TYW1: variants seen among roughly 807,000 people sequenced by gnomAD.
The protein encoded by TYW1 is S-adenosyl-L-methionine-dependent tRNA 4-demethylwyosine synthase TYW1.
In TYW1, 46 loss-of-function variants were observed where a neutral mutation model predicts 96.2. The observed-to-expected ratio is 0.48, with a 90% confidence interval of 0.38 to 0.61. The LOEUF (loss-of-function observed/expected upper bound fraction) is 0.61. Ranked by LOEUF, TYW1 falls within the 20% of genes least tolerant of loss-of-function variation. TYW1 has a pLI of 0.00. For synonymous variants in TYW1, 274 were observed against 323.0 expected, an observed-to-expected ratio of 0.85 and a Z score of 1.63; for missense variants, 684 against 909.6, an observed-to-expected ratio of 0.75 and a Z score of 3.19.
At chr7:67,119,052 A>G (rs6460324) in intron 13 of TYW1, among the ~76,000 whole-genome samples, 41,973 of 151,772 alleles carry the variant, frequency 0.28, 6,649 homozygotes, top group African/African-American at 0.44. Context: ...GTGTTTTCAT[A>G]TGGCATACTT....
rs569326698 is a variant in TYW1 at position 67,002,520 on chromosome 7, G to A, written c.273+3566G>A. Among the ~76,000 whole-genome samples the A allele has an allele frequency of 1.2e-3, 182 of 152,316 alleles. 2 individuals are homozygous for A. Among genetic ancestry groups the A allele is most frequent in the African/African-American group, 4.0e-3 (168 of 41,578 alleles). ...ATGTTAGTATTGCTAATGAGAAAGC[G>A]AATTTGTAGATGACTTGATTATTTT... On this transcript the variant is annotated intron_variant, in intron 3 of 15. Coordinates refer to ENST00000359626, the MANE Select transcript of TYW1 (RefSeq NM_018264.4).
intron 13 of TYW1, among the ~76,000 whole-genome samples, chr7:67,176,553 G>A (rs982845080): frequency 6.6e-6 from 1 of 152,076 alleles, no homozygotes; most frequent in Non-Finnish European, 1.5e-5. Context: ...ATAATTTTGA[G>A]GATATGTTAA....
intron 8 of TYW1, among the ~76,000 whole-genome samples, chr7:67,053,633 G>A (rs1795431229): frequency 6.6e-6 from 1 of 152,110 alleles, no homozygotes; most frequent in East Asian, 1.9e-4. Flanking sequence ...ACCCGCCTTG[G>A]CCTCCCAAAG....
intron 13 of TYW1, among the ~76,000 whole-genome samples, chr7:67,165,786 C>G (rs1030570178): frequency 2.6e-5 from 4 of 151,954 alleles, no homozygotes; most frequent in African/African-American, 9.7e-5. Flanking sequence ...AAAAATTAGC[C>G]AGGTGCGGTG....
At chr7:67,026,129 G>A (rs1794445281) in intron 7 of TYW1, among the ~76,000 whole-genome samples, 1 of 152,168 alleles carries the variant, frequency 6.6e-6, no homozygotes, top group African/African-American at 2.4e-5. Flanking sequence ...CTGGAGTGCA[G>A]TGGTGCAATC....
rs781250202 is a variant in TYW1, at chr7:67,014,410, C to G, written c.419C>G (p.Thr140Ser). The stretch of plus-strand genomic sequence containing the variant: ...TGTGTCTTCCTGGTTGCGACATACA[C>G]TGACGGCCTACCAACTGAAAGTGCA... Reference protein sequence around the residue: ...NVCVFLVATYTDGLPTESAEW... With the variant: ...NVCVFLVATYSDGLPTESAEW... Residue 140 changes from threonine to serine, a missense_variant, in exon 5 of 16, where the codon ACT becomes AGT. Coordinates refer to ENST00000359626, the MANE Select transcript of TYW1 (RefSeq NM_018264.4). 2.5e-6 allele frequency: 4 copies of G among 1,613,724 alleles called. No homozygotes were observed. In the South Asian group the frequency reaches 3.3e-5, roughly 13 times the overall value.
chr7:67,048,158 TG>T (rs1795246676), intron 7 of TYW1, among the ~76,000 whole-genome samples: 1 of 134,800 alleles, frequency 7.4e-6, no homozygotes, highest in East Asian at 2.2e-4. Flanking sequence ...ACCTATTGCC[TG>T]GCCTCATCAA....
At chr7:67,224,832 A>G (rs921993303) in intron 15 of TYW1, among the ~76,000 whole-genome samples, 8 of 152,116 alleles carry the variant, frequency 5.3e-5, no homozygotes, top group African/African-American at 1.7e-4. Context: ...AATCCTTACA[A>G]AAGTCTATTG....
chr7:67,177,706 C>T (rs1799717484), intron 13 of TYW1, among the ~76,000 whole-genome samples: 1 of 152,172 alleles, frequency 6.6e-6, no homozygotes, highest in Non-Finnish European at 1.5e-5. Context: ...TAACAACCAA[C>T]CAAAACTCTG....
chr7:67,220,773 T>C (rs915624363), intron 15 of TYW1, among the ~76,000 whole-genome samples: 13 of 151,612 alleles, frequency 8.6e-5, no homozygotes, highest in African/African-American at 3.2e-4. Flanking sequence ...GTTTTGCTCT[T>C]GTTGCCCAGG....
At chr7:67,142,676 C>T (rs1798485919) in intron 13 of TYW1, among the ~76,000 whole-genome samples, 1 of 152,158 alleles carries the variant, frequency 6.6e-6, no homozygotes, top group African/African-American at 2.4e-5. Context: ...AAGTGGTCTG[C>T]GCACCTAGGC....
Position 67,196,505 on chromosome 7 carries a change from A to G in TYW1, c.1977+1168A>G, listed in dbSNP as rs1290977959. ...TGCATTTAGAAGATTATTTCTAGAA[A>G]TCAAGTCAAGCCTAGGATCAGAAGA... On this transcript the variant is annotated intron_variant, in intron 15 of 15. Transcript: ENST00000359626. 3.3e-5 allele frequency among the ~76,000 whole-genome samples: 5 copies of G among 152,168 alleles called. No homozygotes were observed. In the East Asian group the frequency reaches 9.6e-4, roughly 29 times the overall value.
chr7:67,219,405 T>TG (rs1177079855), intron 15 of TYW1, among the ~76,000 whole-genome samples: 2 of 152,314 alleles, frequency 1.3e-5, no homozygotes, highest in Admixed American at 6.5e-5. Flanking sequence ...CCTCACTGAA[T>TG]GAGTTGAAAG....
intron 15 of TYW1, among the ~76,000 whole-genome samples, chr7:67,224,452 A>G (rs746778648): frequency 1.8e-4 from 28 of 152,278 alleles, no homozygotes; most frequent in Non-Finnish European, 4.0e-4. Flanking sequence ...GTGTCCTCGT[A>G]CATACCACTT....
At chr7:67,178,647 A>G (rs942213439) in intron 13 of TYW1, among the ~76,000 whole-genome samples, 4 of 152,184 alleles carry the variant, frequency 2.6e-5, no homozygotes, top group African/African-American at 2.4e-5. Flanking sequence ...GGTGAATTTT[A>G]TAAACACAGT....
chr7:67,136,791 G>T (rs1254831641), intron 13 of TYW1, among the ~76,000 whole-genome samples: 1 of 151,978 alleles, frequency 6.6e-6, no homozygotes, highest in Non-Finnish European at 1.5e-5. Context: ...AGTTGACTTA[G>T]TGATGGGAAA....
At chr7:67,013,836 T>C (rs4718443) in intron 4 of TYW1, among the ~76,000 whole-genome samples, 69,162 of 148,896 alleles carry the variant, frequency 0.46, 16,156 homozygotes, top group East Asian at 0.6. Context: ...CTCTGCCTCC[T>C]GGATTCATGC....
At chr7:67,198,865 A>G (rs1443165997) in intron 15 of TYW1, among the ~76,000 whole-genome samples, 1 of 152,168 alleles carries the variant, frequency 6.6e-6, no homozygotes, top group Non-Finnish European at 1.5e-5. Context: ...TTGCTATTTT[A>G]AAAGAATACA....
intron 13 of TYW1, among the ~76,000 whole-genome samples, chr7:67,148,487 G>A (rs545044161): frequency 3.4e-5 from 5 of 147,086 alleles, no homozygotes; most frequent in South Asian, 4.3e-4. Flanking sequence ...GTGCAGTGGC[G>A]TGATCTCGGC....
Sources: gnomAD v4.1 joint callset for allele counts (sites outside exome capture counted in the v4.1 genomes callset) on GRCh38, gnomAD v4.1.1 for gene constraint, MANE v1.5 for transcripts, NCBI Gene and HGNC (gene_info 2026-07-23, HGNC 2026-07-21) for gene names.